The following MYT1L variants were observed in gnomAD, a reference collection of about 807,000 sequenced individuals.
MYT1L encodes myelin transcription factor 1 like.
MYT1L carries 12 observed loss-of-function variants against 126.7 expected under a neutral mutation model. The observed-to-expected ratio is 0.09, with a 90% confidence interval of 0.06 to 0.15. The LOEUF (loss-of-function observed/expected upper bound fraction) is 0.15. MYT1L is among the 10% of genes least tolerant of loss of function. The pLI, the probability that MYT1L is intolerant of heterozygous loss-of-function variation, is 1.00. For missense variants in MYT1L, 979 were observed against 1,585.2 expected (o/e 0.62, Z 6.49); for synonymous variants, 541 against 604.2 (o/e 0.90, Z 1.53).
At chr2:2,030,492 C>A (rs1004159254) in intron 4 of MYT1L, among the ~76,000 whole-genome samples, 2 of 152,096 alleles carry the variant, frequency 1.3e-5, no homozygotes, top group Non-Finnish European at 2.9e-5. Flanking sequence ...CTTTTATTCT[C>A]TAAATAAAAT....
At chr2:2,214,591 T>C (rs996508753) in intron 2 of MYT1L, among the ~76,000 whole-genome samples, 1 of 151,752 alleles carries the variant, frequency 6.6e-6, no homozygotes, top group Admixed American at 6.6e-5. Context: ...GGAAAAGAAA[T>C]CCCCTTACCC....
At chr2:2,317,390 G>A (rs1331073934) in intron 1 of MYT1L, among the ~76,000 whole-genome samples, 1 of 151,986 alleles carries the variant, frequency 6.6e-6, no homozygotes, top group Non-Finnish European at 1.5e-5. Context: ...TGCCAAACAC[G>A]CAGTCAGCAA....
chr2:1,839,024 T>C, intron 21 of MYT1L, 125 bp downstream of exon 21: 1 of 853,924 alleles, frequency 1.2e-6, no homozygotes, highest in East Asian at 2.7e-5. Flanking sequence ...ACGATAGTTT[T>C]CAGCCTTTTC....
intron 2 of MYT1L, among the ~76,000 whole-genome samples, chr2:2,282,942 G>A (rs1003113957): frequency 3.3e-5 from 5 of 152,164 alleles, no homozygotes; most frequent in Non-Finnish European, 5.9e-5. Flanking sequence ...AGGTGTGGTG[G>A]CATGTGCCAG....
chr2:2,211,406 G>A (rs1010295460), intron 2 of MYT1L, among the ~76,000 whole-genome samples: 5 of 151,434 alleles, frequency 3.3e-5, no homozygotes, highest in East Asian at 3.9e-4. Flanking sequence ...TTCATGTATC[G>A]TTTTTTTTAA....
chr2:1,901,159 C>T (rs111870948), intron 14 of MYT1L, among the ~76,000 whole-genome samples: 15 of 152,300 alleles, frequency 9.8e-5, no homozygotes, highest in South Asian at 4.1e-4. Flanking sequence ...GACCTGGAGA[C>T]GGCTCTGCTG....
chr2:2,202,153 C>T (rs1319518442), intron 2 of MYT1L, among the ~76,000 whole-genome samples: 3 of 151,858 alleles, frequency 2.0e-5, no homozygotes, highest in Non-Finnish European at 2.9e-5. Context: ...GCACTAAATG[C>T]CCACAAGAGA....
chr2:2,189,756 G>T (rs2092454904), intron 2 of MYT1L, among the ~76,000 whole-genome samples: 1 of 152,042 alleles, frequency 6.6e-6, no homozygotes, highest in Non-Finnish European at 1.5e-5. Context: ...AGGACCTCAC[G>T]GTGAGAAGCG....
At chr2:1,827,591 C>T (rs1329536201) in intron 21 of MYT1L, 1 of 152,160 alleles carries the variant, frequency 6.6e-6, no homozygotes, top group Non-Finnish European at 1.5e-5. Flanking sequence ...CTGTCTACGG[C>T]AGGGATCAGC....
chr2:2,330,633 G>A (rs899248185), intron 1 of MYT1L, among the ~76,000 whole-genome samples: 1 of 152,160 alleles, frequency 6.6e-6, no homozygotes, highest in Admixed American at 6.5e-5. Context: ...GTAATGTAAA[G>A]TAATCCAGTA....
Position 2,201,726 on chromosome 2 carries a change from A to G in MYT1L, c.-420-28738T>C, listed in dbSNP as rs564098999. Reference sequence around the variant, plus strand: ...AAAAAAAAAAAATCGTAAGTGTTTTAAAGTTTAACCTTTCAAGTGGTATTT... The same window carrying G: ...AAAAAAAAAAAATCGTAAGTGTTTTGAAGTTTAACCTTTCAAGTGGTATTT... On this transcript the variant is annotated intron_variant, in intron 2 of 24. Transcript: ENST00000647738. Among the ~76,000 whole-genome samples the G allele has an allele frequency of 3.3e-5, 5 of 152,122 alleles. No homozygotes were observed. The South Asian group carries it at 6.2e-4, about 19-fold the overall frequency.
At chr2:2,202,178 T>A (rs989158476) in intron 2 of MYT1L, among the ~76,000 whole-genome samples, 1 of 152,068 alleles carries the variant, frequency 6.6e-6, no homozygotes, top group East Asian at 1.9e-4. Flanking sequence ...AGGAAAGATC[T>A]AAAATTGACA....
chr2:2,315,932 T>A (rs1314967202), intron 1 of MYT1L, among the ~76,000 whole-genome samples: 1 of 152,230 alleles, frequency 6.6e-6, no homozygotes, highest in Non-Finnish European at 1.5e-5. Flanking sequence ...ATTACACCTC[T>A]CCATTTATTT....
chr2:1,881,121 C>T (rs373990760), intron 18 of MYT1L, among the ~76,000 whole-genome samples: 2 of 152,102 alleles, frequency 1.3e-5, no homozygotes, highest in African/African-American at 2.4e-5. Context: ...CCTTAATAAT[C>T]CAGGTCTCAG....
At chr2:2,074,416 C>T (rs1430198414) in intron 3 of MYT1L, among the ~76,000 whole-genome samples, 2 of 152,192 alleles carry the variant, frequency 1.3e-5, no homozygotes, top group East Asian at 1.9e-4. Flanking sequence ...ATTAGATGTG[C>T]TCATACCTTT....
At chr2:1,865,743 A>C (rs377193150) in intron 18 of MYT1L, among the ~76,000 whole-genome samples, 1 of 152,090 alleles carries the variant, frequency 6.6e-6, no homozygotes, top group East Asian at 1.9e-4. Flanking sequence ...TGCAGGGGTA[A>C]GAAGAGCCAG....
chr2:1,880,565 T>C (rs1358900861), intron 18 of MYT1L, among the ~76,000 whole-genome samples: 2 of 152,186 alleles, frequency 1.3e-5, no homozygotes, highest in African/African-American at 4.8e-5. Context: ...TTCAGAAGAA[T>C]GAATAATGAA....
intron 3 of MYT1L, among the ~76,000 whole-genome samples, chr2:2,108,818 T>G (rs2150553269): frequency 6.6e-6 from 1 of 152,364 alleles, no homozygotes; most frequent in South Asian, 2.1e-4. Flanking sequence ...AATATCTATT[T>G]TGTTACTTAG....
intron 2 of MYT1L, among the ~76,000 whole-genome samples, chr2:2,190,543 A>G (rs2092527652): frequency 6.8e-6 from 1 of 146,600 alleles, no homozygotes; most frequent in African/African-American, 2.6e-5. Context: ...TGGGCCACAG[A>G]GCAAGACCTG....
Sources: allele counts gnomAD v4.1 joint callset (sites outside exome capture counted in the v4.1 genomes callset), GRCh38; gene constraint gnomAD v4.1.1; transcripts MANE v1.5; gene names NCBI Gene and HGNC (gene_info 2026-07-23, HGNC 2026-07-21).